MRAP2: variants seen among roughly 807,000 people sequenced by gnomAD.
MRAP2 encodes melanocortin-2 receptor accessory protein 2.
Under a neutral mutation model 17.4 loss-of-function variants are expected in MRAP2, and 20 were observed. The ratio of observed to expected loss-of-function variants is 1.15; its 90% CI spans 0.81 to 1.67. The LOEUF (loss-of-function observed/expected upper bound fraction) is 1.67. MRAP2 is among the 40% of genes most tolerant of loss of function. MRAP2 has a pLI of 0.00. For missense variants in MRAP2, 238 were observed against 240.0 expected (o/e 0.99, Z 0.05); for synonymous variants, 96 against 88.4 (o/e 1.09, Z -0.48).
chr6:84,061,663 G>A (rs888267996), intron 2 of MRAP2: 28 of 503,122 alleles, frequency 5.6e-5, no homozygotes, highest in Non-Finnish European at 6.7e-5. Flanking sequence ...AGTGGTAAGA[G>A]CCCTGGTAAG....
chr6:84,100,721 A>G, the MRAP2 span, among the ~76,000 whole-genome samples: 3 of 152,224 alleles, frequency 2.0e-5, no homozygotes, highest in Admixed American at 6.5e-5. Flanking sequence ...TTCACACTTC[A>G]TAACATTTTT....
At chr6:84,086,784 C>G (rs1167283887) in intron 3 of MRAP2, among the ~76,000 whole-genome samples, 4 of 152,096 alleles carry the variant, frequency 2.6e-5, no homozygotes, top group Non-Finnish European at 5.9e-5. Flanking sequence ...TTGGCACTGT[C>G]CTGGGGAGGG....
intron 3 of MRAP2, among the ~76,000 whole-genome samples, chr6:84,066,399 A>G (rs1379962791): frequency 1.3e-5 from 2 of 152,246 alleles, no homozygotes; most frequent in African/African-American, 4.8e-5. Context: ...GAATCAGAAC[A>G]TGTGGAAAAA....
the MRAP2 span, among the ~76,000 whole-genome samples, chr6:84,121,913 A>T: frequency 6.6e-6 from 1 of 152,168 alleles, no homozygotes; most frequent in Non-Finnish European, 1.5e-5. Context: ...ACTGAGTTCA[A>T]ATCTAGAAGA....
chr6:84,085,151 T>C (rs2099500095), intron 3 of MRAP2, among the ~76,000 whole-genome samples: 1 of 151,592 alleles, frequency 6.6e-6, no homozygotes, highest in African/African-American at 2.4e-5. Flanking sequence ...ACCTCCCAGG[T>C]TCACGCCATT....
At chr6:84,062,832 C>G (rs982104608) in intron 2 of MRAP2, 61 bp from the exon 3 acceptor site, 2 of 1,608,536 alleles carry the variant, frequency 1.2e-6, no homozygotes, top group Non-Finnish European at 8.5e-7. Flanking sequence ...AGCTCTGATT[C>G]TTGAATGTTC....
chr6:84,137,312 A>G, the MRAP2 span, among the ~76,000 whole-genome samples: 1 of 152,184 alleles, frequency 6.6e-6, no homozygotes, highest in Non-Finnish European at 1.5e-5. Flanking sequence ...TGAACATGCT[A>G]GCGAGCCTTA....
chr6:84,050,084 TGAG>T lies in MRAP2; in HGVS notation c.-7-5221_-7-5219del, dbSNP rs1165525051. ...AGTCATACTCGAGTCAAAATAGTCGTGAGGAGGAGAAGACTACAAAGTCCTGGA... is the reference window on the plus strand; with the variant it reads ...AGTCATACTCGAGTCAAAATAGTCGTGAGGAGAAGACTACAAAGTCCTGGA... On this transcript the variant is annotated intron_variant, in intron 1 of 3. Transcript: ENST00000257776. Among the ~76,000 whole-genome samples the T allele has an allele frequency of 5.9e-5, 9 of 151,840 alleles. No homozygotes were observed. The South Asian group carries it at 8.3e-4, about 14-fold the overall frequency.
Position 84,046,824 on chromosome 6 carries a change from G to T in MRAP2, c.-7-8488G>T, listed in dbSNP as rs533938686. On this transcript the variant is annotated intron_variant, in intron 1 of 3. Transcript: ENST00000257776. Reference sequence around the variant, plus strand: ...AAAAAAAAGGAGAATTTGGGAAGTGGCTAGTGTGTTTCCAGGACTGGTCAG... The same window carrying T: ...AAAAAAAAGGAGAATTTGGGAAGTGTCTAGTGTGTTTCCAGGACTGGTCAG... 3.3e-5 allele frequency among the ~76,000 whole-genome samples: 5 copies of T among 151,148 alleles called. No homozygotes were observed. The East Asian group carries it at 9.7e-4, about 29-fold the overall frequency.
intron 3 of MRAP2, among the ~76,000 whole-genome samples, chr6:84,065,256 G>C (rs1033253480): frequency 2.0e-5 from 3 of 150,374 alleles, no homozygotes; most frequent in Non-Finnish European, 4.4e-5. Flanking sequence ...CTGCACTGTA[G>C]CCTAAATGAC....
chr6:84,108,807 G>A, the MRAP2 span, among the ~76,000 whole-genome samples: 89 of 152,196 alleles, frequency 5.8e-4, 1 homozygote, highest in African/African-American at 2.0e-3. Context: ...TATAGTTTGA[G>A]GATTTACATT....
the MRAP2 span, among the ~76,000 whole-genome samples, chr6:84,108,541 T>G: frequency 3.9e-5 from 6 of 152,114 alleles, no homozygotes; most frequent in Admixed American, 3.9e-4. Flanking sequence ...TATTTTTTTC[T>G]AAATTTGTTT....
At chr6:84,104,139 G>A in the MRAP2 span, among the ~76,000 whole-genome samples, 1 of 152,196 alleles carries the variant, frequency 6.6e-6, no homozygotes, top group Non-Finnish European at 1.5e-5. Context: ...TTGGGTAGCT[G>A]TGCCAAGGCT....
At chr6:84,041,439 A>G (rs549664000) in intron 1 of MRAP2, among the ~76,000 whole-genome samples, 1 of 152,324 alleles carries the variant, frequency 6.6e-6, no homozygotes, top group African/African-American at 2.4e-5. Flanking sequence ...GAGTTCTGAG[A>G]AGAGGGCCAC....
the MRAP2 span, among the ~76,000 whole-genome samples, chr6:84,141,814 C>T: frequency 6.6e-6 from 1 of 152,138 alleles, no homozygotes; most frequent in African/African-American, 2.4e-5. Flanking sequence ...ACTCCTTCAG[C>T]TCCAGGCCTT....
the MRAP2 span, among the ~76,000 whole-genome samples, chr6:84,131,399 C>G: frequency 1.3e-5 from 2 of 152,142 alleles, no homozygotes; most frequent in Non-Finnish European, 2.9e-5. Flanking sequence ...CCTGAATATC[C>G]TTGTTAACTT....
At chr6:84,107,885 A>G in the MRAP2 span, among the ~76,000 whole-genome samples, 3 of 152,374 alleles carry the variant, frequency 2.0e-5, no homozygotes, top group Admixed American at 1.3e-4. Context: ...TAGAGTCACT[A>G]CTTGGTTAAA....
At chr6:84,133,178 T>C in the MRAP2 span, among the ~76,000 whole-genome samples, 2 of 152,136 alleles carry the variant, frequency 1.3e-5, no homozygotes, top group African/African-American at 2.4e-5. Context: ...GAACAGCAAA[T>C]ATTGCAGAAC....
the MRAP2 span, among the ~76,000 whole-genome samples, chr6:84,123,748 G>C: frequency 6.6e-6 from 1 of 151,924 alleles, no homozygotes; most frequent in Non-Finnish European, 1.5e-5. Flanking sequence ...AAAATTAAAG[G>C]CTTCTGCACA....
Sources: allele counts gnomAD v4.1 joint callset (sites outside exome capture counted in the v4.1 genomes callset), GRCh38; gene constraint gnomAD v4.1.1; transcripts MANE v1.5; gene names NCBI Gene and HGNC (gene_info 2026-07-23, HGNC 2026-07-21).